The following DDO variants were observed in gnomAD, a reference collection of about 807,000 sequenced individuals.
The protein encoded by DDO is D-aspartate oxidase, DDO.
Under a neutral mutation model 16.8 loss-of-function variants are expected in DDO, and 16 were observed. The ratio of observed to expected loss-of-function variants is 0.95; its 90% CI spans 0.65 to 1.45. DDO has a LOEUF of 1.45. DDO is among the 40% of genes most tolerant of loss of function. DDO has a pLI of 0.00. For missense variants in DDO, 429 were observed against 420.3 expected (o/e 1.02, Z -0.18); for synonymous variants, 180 against 167.2 (o/e 1.08, Z -0.59).
At chr6:110,395,983 C>A (rs1386140113) in intron 4 of DDO, among the ~76,000 whole-genome samples, 2 of 152,050 alleles carry the variant, frequency 1.3e-5, no homozygotes, top group Admixed American at 1.3e-4. Context: ...AAGCCGAGAT[C>A]CCGCCACTGC....
chr6:110,388,759 G>A, downstream of DDO: 1 of 979,712 alleles, frequency 1.0e-6, no homozygotes, highest in Non-Finnish European at 1.2e-6. Context: ...AGCCACAAAG[G>A]CCAGACACTT....
chr6:110,409,947 A>G (rs1773793159), intron 2 of DDO, among the ~76,000 whole-genome samples: 1 of 152,222 alleles, frequency 6.6e-6, no homozygotes, highest in Admixed American at 6.5e-5. Flanking sequence ...AAGTCCTGGT[A>G]AAACAGAACT....
At chr6:110,397,653 T>G (rs1773332876) in intron 4 of DDO, among the ~76,000 whole-genome samples, 1 of 152,214 alleles carries the variant, frequency 6.6e-6, no homozygotes, top group Non-Finnish European at 1.5e-5. Flanking sequence ...CTTTTCCATT[T>G]CAAGGGTTCC....
intron 2 of DDO, among the ~76,000 whole-genome samples, chr6:110,409,352 A>G (rs1400133949): frequency 6.6e-6 from 1 of 152,174 alleles, no homozygotes; most frequent in African/African-American, 2.4e-5. Context: ...GAGACTGGCT[A>G]GGGTTAGGCC....
In DDO at chr6:110,408,269, G is replaced by A. The variant is rs935762063; in HGVS notation, c.281+65C>T. 2.1e-5 allele frequency: 30 copies of A among 1,460,412 alleles called. No individual in the cohort carries two copies. The African/African-American group carries it at 3.6e-4, about 18-fold the overall frequency. 90.5% of individuals were successfully genotyped at this position (1,460,412 alleles called of 1,614,324 possible). On this transcript the variant is annotated intron_variant, in intron 3 of 4. Transcript: ENST00000368924. ...AACAGCTACTCAGTAAATATTTTATGTTGAACTCTAATGCCTGTTAAGATC... is the reference window on the plus strand; with the variant it reads ...AACAGCTACTCAGTAAATATTTTATATTGAACTCTAATGCCTGTTAAGATC...
chr6:110,396,923 AG>A (rs1773309000), intron 4 of DDO, among the ~76,000 whole-genome samples: 1 of 152,192 alleles, frequency 6.6e-6, no homozygotes, highest in Non-Finnish European at 1.5e-5. Flanking sequence ...TAGAAAGAAA[AG>A]TAAATTGGAG....
At chr6:110,396,269 A>G (rs1177765943) in intron 4 of DDO, among the ~76,000 whole-genome samples, 6 of 152,208 alleles carry the variant, frequency 3.9e-5, no homozygotes, top group African/African-American at 1.4e-4. Context: ...CCCTCTGCAG[A>G]GACCTCTGAA....
At chr6:110,405,717 A>G (rs1582485072) in intron 3 of DDO, among the ~76,000 whole-genome samples, 1 of 152,156 alleles carries the variant, frequency 6.6e-6, no homozygotes, top group Admixed American at 6.5e-5. Flanking sequence ...AGCCTGGGCA[A>G]CAAGGTGAAA....
chr6:110,400,726 A>C (rs1773459363), intron 4 of DDO, among the ~76,000 whole-genome samples: 1 of 152,236 alleles, frequency 6.6e-6, no homozygotes, highest in African/African-American at 2.4e-5. Flanking sequence ...GGGCCCGAGA[A>C]AGTTTGTGAA....
chr6:110,404,521 G>A (rs1164108528), intron 4 of DDO, among the ~76,000 whole-genome samples: 2 of 152,116 alleles, frequency 1.3e-5, no homozygotes, highest in East Asian at 3.9e-4. Flanking sequence ...AGAAGGGTAG[G>A]GAATAAGTCA....
chr6:110,410,397 G>A (rs929952884), intron 2 of DDO, among the ~76,000 whole-genome samples: 5 of 152,180 alleles, frequency 3.3e-5, no homozygotes, highest in Admixed American at 6.5e-5. Context: ...AAGAACTCTC[G>A]TCACAAGAAA....
At chr6:110,410,546 A>G (rs773002589) in intron 2 of DDO, among the ~76,000 whole-genome samples, 58 of 152,222 alleles carry the variant, frequency 3.8e-4, no homozygotes, top group Non-Finnish European at 6.0e-4. Context: ...GAAACTTACG[A>G]TCGTGGTGGA....
chr6:110,389,852 C>A, downstream of DDO, among the ~76,000 whole-genome samples: 1 of 152,300 alleles, frequency 6.6e-6, no homozygotes, highest in Admixed American at 6.5e-5. Flanking sequence ...GTCTGATATA[C>A]TTGTGTAGCA....
chr6:110,394,990 G>A (rs1253831163), intron 4 of DDO, among the ~76,000 whole-genome samples: 2 of 152,196 alleles, frequency 1.3e-5, no homozygotes, highest in African/African-American at 4.8e-5. Flanking sequence ...ACACCAAGTG[G>A]ACTGGAAGTA....
downstream of DDO, among the ~76,000 whole-genome samples, chr6:110,390,799 T>G (rs1484121637): frequency 2.6e-5 from 4 of 152,254 alleles, no homozygotes; most frequent in African/African-American, 9.6e-5. Flanking sequence ...TATCATAACC[T>G]TTTATTTCTC....
chr6:110,412,579 A>C (rs1562266849), intron 2 of DDO, among the ~76,000 whole-genome samples: 1 of 152,214 alleles, frequency 6.6e-6, no homozygotes, highest in South Asian at 2.1e-4. Flanking sequence ...AGAAGCGTTG[A>C]AAGTCGCTTC....
In DDO at chr6:110,392,935, T is replaced by TC; in HGVS notation, c.865dup (p.Glu289GlyfsTer59). On this transcript the variant is annotated frameshift_variant, in exon 5 of 5. Transcript: ENST00000368924. LOFTEE classifies it low-confidence loss of function (END_TRUNC). ...CCTCTGTCCATCTCGCGCAAGGAGC[T>TC]CTGTCTGCAGTCGCACGCCTGGCCT... 1.2e-6 allele frequency: 2 copies of TC among 1,614,216 alleles called. No homozygotes were observed. Among genetic ancestry groups the TC allele is most frequent in the Non-Finnish European group, 1.7e-6 (2 of 1,180,024 alleles).
At chr6:110,400,813 A>G (rs1219966357) in intron 4 of DDO, among the ~76,000 whole-genome samples, 1 of 152,242 alleles carries the variant, frequency 6.6e-6, no homozygotes, top group Non-Finnish European at 1.5e-5. Context: ...ACTCTGGCTC[A>G]TCTGAGCCGC....
At chr6:110,389,750 A>G (rs944406116), downstream of DDO, among the ~76,000 whole-genome samples, 1 of 152,164 alleles carries the variant, frequency 6.6e-6, no homozygotes, top group African/African-American at 2.4e-5. Flanking sequence ...TCAATTATTA[A>G]TCAAGTCCTG....
Sources: allele counts gnomAD v4.1 joint callset (sites outside exome capture counted in the v4.1 genomes callset), GRCh38; gene constraint gnomAD v4.1.1; transcripts MANE v1.5; gene names NCBI Gene and HGNC (gene_info 2026-07-23, HGNC 2026-07-21).